PTPRR: variants seen among roughly 807,000 people sequenced by gnomAD.
PTPRR encodes receptor-type tyrosine-protein phosphatase R.
A neutral mutation model predicts 77.2 loss-of-function variants in PTPRR; 38 were observed. That is an observed-to-expected ratio of 0.49 (90% confidence interval 0.38 to 0.65). The LOEUF (loss-of-function observed/expected upper bound fraction) is 0.65. Ranked by LOEUF, PTPRR falls within the 30% of genes least tolerant of loss-of-function variation. The pLI is 0.00. For missense variants in PTPRR, 744 were observed against 799.2 expected, an observed-to-expected ratio of 0.93 and a Z score of 0.83; for synonymous variants, 299 against 283.1, an observed-to-expected ratio of 1.06 and a Z score of -0.57.
At chr12:70,671,809 G>A (rs921375128) in intron 10 of PTPRR, 19 of 547,058 alleles carry the variant, frequency 3.5e-5, no homozygotes, top group Admixed American at 1.9e-4. Flanking sequence ...GCAGTTCCCC[G>A]GCTAGCTGCA....
rs189915163 is a variant in PTPRR, at chr12:70,824,563, A to G, written c.358-59785T>C. Among the ~76,000 whole-genome samples, 180 of 152,322 alleles carry G rather than the reference A, an allele frequency of 1.2e-3. 1 individual carries two copies. Among genetic ancestry groups the G allele is most frequent in the African/African-American group, 2.6e-3 (110 of 41,580 alleles). The stretch of plus-strand genomic sequence containing the variant: ...TCCCACCTACATTTCAGCCTGGATT[A>G]CAGACAATGCTTGGTTCCCAAATGG... On this transcript the variant is annotated intron_variant, in intron 2 of 13. Coordinates refer to ENST00000283228, the MANE Select transcript of PTPRR (RefSeq NM_002849.4).
Position 70,906,153 on chromosome 12 carries a change from A to T in PTPRR, c.59-13176T>A, listed in dbSNP as rs148778008. Among the ~76,000 whole-genome samples the T allele has an allele frequency of 5.5e-3, 832 of 152,134 alleles. 9 individuals are homozygous for T. Among genetic ancestry groups the T allele is most frequent in the African/African-American group, 0.019 (783 of 41,544 alleles). The stretch of plus-strand genomic sequence containing the variant: ...ATTAAGAAATAAAGGAAGGACCTAG[A>T]TTCTAATTTAAATGACCTCCCAACT... On this transcript the variant is annotated intron_variant, in intron 1 of 13. Transcript: ENST00000283228.
rs1890880628 is a variant in PTPRR, at chr12:70,768,355, C to T, written c.358-3577G>A. On this transcript the variant is annotated intron_variant, in intron 2 of 13. Transcript: ENST00000283228. ...ACCATCGATCCCACAGAAATACAAACTACCATCAGAGAATACTACAAACAC... is the reference window on the plus strand; with the variant it reads ...ACCATCGATCCCACAGAAATACAAATTACCATCAGAGAATACTACAAACAC... Among the ~76,000 whole-genome samples, 4 of 152,310 alleles carry T rather than the reference C, an allele frequency of 2.6e-5. No individual in the cohort carries two copies. In the South Asian group the frequency reaches 8.3e-4, roughly 32 times the overall value.
chr12:70,727,057 A>G (rs1420490432), intron 6 of PTPRR, among the ~76,000 whole-genome samples: 1 of 152,192 alleles, frequency 6.6e-6, no homozygotes, highest in African/African-American at 2.4e-5. Flanking sequence ...TATTAAACAT[A>G]AGTCACATAT....
intron 10 of PTPRR, among the ~76,000 whole-genome samples, chr12:70,663,559 G>C (rs1052443834): frequency 6.6e-6 from 1 of 152,014 alleles, no homozygotes. Context: ...TATTATTTTG[G>C]TATTATTATA....
intron 2 of PTPRR, among the ~76,000 whole-genome samples, chr12:70,784,928 C>A (rs769911182): frequency 3.6e-4 from 55 of 152,086 alleles, no homozygotes; most frequent in Non-Finnish European, 6.5e-4. Flanking sequence ...GAGCTTTCAC[C>A]AAAAGTCAAT....
intron 10 of PTPRR, among the ~76,000 whole-genome samples, chr12:70,670,999 A>G (rs761426187): frequency 6.6e-6 from 1 of 152,196 alleles, no homozygotes; most frequent in African/African-American, 2.4e-5. Flanking sequence ...GCAATTATTC[A>G]TTTATTTATT....
At chr12:70,840,755 G>C (rs1459130302) in intron 2 of PTPRR, among the ~76,000 whole-genome samples, 1 of 152,074 alleles carries the variant, frequency 6.6e-6, no homozygotes, top group Non-Finnish European at 1.5e-5. Context: ...ATGGGGAGGG[G>C]TAGGAGTTAT....
At chr12:70,696,803 T>G (rs1888248673) in intron 8 of PTPRR, among the ~76,000 whole-genome samples, 1 of 152,132 alleles carries the variant, frequency 6.6e-6, no homozygotes. Flanking sequence ...CACTAAGATA[T>G]TTTCTGTCTG....
chr12:70,862,696 T>A (rs987626835), intron 2 of PTPRR, among the ~76,000 whole-genome samples: 3 of 151,694 alleles, frequency 2.0e-5, no homozygotes, highest in African/African-American at 7.3e-5. Context: ...CATATGTAAC[T>A]AACCTGCACA....
At chr12:70,839,394 T>A (rs558942754) in intron 2 of PTPRR, among the ~76,000 whole-genome samples, 5 of 137,434 alleles carry the variant, frequency 3.6e-5, no homozygotes, top group African/African-American at 1.2e-4. Flanking sequence ...ACAACTCAGA[T>A]GACTTATATT....
chr12:70,727,519 C>A (rs955984745), intron 6 of PTPRR, among the ~76,000 whole-genome samples: 1 of 152,078 alleles, frequency 6.6e-6, no homozygotes, highest in African/African-American at 2.4e-5. Context: ...CTATCAGATA[C>A]TTTTGTATTG....
At chr12:70,852,970 G>T (rs1011558036) in intron 2 of PTPRR, among the ~76,000 whole-genome samples, 2 of 152,160 alleles carry the variant, frequency 1.3e-5, no homozygotes, top group African/African-American at 4.8e-5. Context: ...GGAGATTACC[G>T]TGGCAAATTT....
intron 10 of PTPRR, among the ~76,000 whole-genome samples, chr12:70,667,037 G>A (rs534334045): frequency 4.7e-5 from 6 of 128,544 alleles, no homozygotes; most frequent in South Asian, 2.6e-4. Context: ...CTCACTGCAA[G>A]CTCCGCCTCC....
intron 2 of PTPRR, among the ~76,000 whole-genome samples, chr12:70,840,027 AC>A (rs1565714733): frequency 6.6e-6 from 1 of 152,100 alleles, no homozygotes; most frequent in Non-Finnish European, 1.5e-5. Flanking sequence ...CCTGATTGCC[AC>A]TGTATTAATT....
At position 70,805,909 on chromosome 12, in the gene PTPRR, TG is replaced by T. The variant is rs377407282; in HGVS notation, c.358-41132del. 7.8e-3 allele frequency among the ~76,000 whole-genome samples: 1,188 copies of T among 152,324 alleles called. 18 individuals are homozygous for T. Among genetic ancestry groups the T allele is most frequent in the African/African-American group, 0.027 (1,112 of 41,570 alleles). On this transcript the variant is annotated intron_variant, in intron 2 of 13. Transcript: ENST00000283228. ...TATAGTTCTAATATTAGAAAAATTA[TG>T]TATATGTATTTCATATAGCATGTGT...
Position 70,806,240 on chromosome 12 carries a change from T to C in PTPRR, c.358-41462A>G, listed in dbSNP as rs138885014. ...CAAATGAAAGCAACCTTGAACTGGC[T>C]CTGAGTCATTACTCTAGACAGACTC... On this transcript the variant is annotated intron_variant, in intron 2 of 13. Coordinates refer to ENST00000283228, the MANE Select transcript of PTPRR (RefSeq NM_002849.4). 2.4e-3 allele frequency among the ~76,000 whole-genome samples: 361 copies of C among 152,280 alleles called. 1 individual carries two copies. The highest frequency in any genetic ancestry group is 8.1e-3 in the African/African-American group (338 of 41,560).
intron 2 of PTPRR, among the ~76,000 whole-genome samples, chr12:70,785,844 GT>G (rs1891310056): frequency 6.6e-6 from 1 of 152,126 alleles, no homozygotes; most frequent in South Asian, 2.1e-4. Flanking sequence ...CAAGTTACTT[GT>G]TTTTAACAGA....
intron 6 of PTPRR, among the ~76,000 whole-genome samples, chr12:70,709,613 C>T (rs4760783): frequency 0.32 from 47,961 of 151,870 alleles, 7,844 homozygotes; most frequent in South Asian, 0.48. Flanking sequence ...GCTTCTGAAG[C>T]GAATAAACAA....
Sources: gnomAD v4.1 joint callset for allele counts (sites outside exome capture counted in the v4.1 genomes callset) on GRCh38, gnomAD v4.1.1 for gene constraint, MANE v1.5 for transcripts, NCBI Gene and HGNC (gene_info 2026-07-23, HGNC 2026-07-21) for gene names.